STPG2: variants seen among roughly 807,000 people sequenced by gnomAD.
The protein encoded by STPG2 is sperm tail PG-rich repeat containing 2.
Under a neutral mutation model 54.2 loss-of-function variants are expected in STPG2, and 56 were observed. The observed-to-expected ratio is 1.03, with a 90% confidence interval of 0.83 to 1.29. The LOEUF (loss-of-function observed/expected upper bound fraction) is 1.29, where lower values mean the gene tolerates loss of function less well. Among genes scored for constraint, STPG2 ranks in the 50% most tolerant of loss-of-function variants. The pLI, the probability that STPG2 is intolerant of heterozygous loss-of-function variation, is 0.00. For missense variants in STPG2, 596 were observed against 544.9 expected (o/e 1.09, Z -0.93); for synonymous variants, 200 against 181.8 (o/e 1.10, Z -0.81).
At chr4:97,921,407 A>T in intron 8 of STPG2, among the ~76,000 whole-genome samples, 1 of 152,168 alleles carries the variant, frequency 6.6e-6, no homozygotes, top group East Asian at 1.9e-4. Flanking sequence ...AACTAAGCAA[A>T]TATCAGTAAA....
At chr4:97,493,506 A>G (rs1003455243) in intron 4 of STPG2, among the ~76,000 whole-genome samples, 3 of 151,476 alleles carry the variant, frequency 2.0e-5, no homozygotes, top group Non-Finnish European at 4.4e-5. Context: ...GAAAACTGCT[A>G]TTGCCTGCAA....
intron 9 of STPG2, among the ~76,000 whole-genome samples, chr4:97,730,516 C>T (rs530650936): frequency 1.1e-4 from 16 of 152,178 alleles, no homozygotes; most frequent in Non-Finnish European, 1.9e-4. Context: ...TGAGTAAATA[C>T]CCAGTAATGG....
chr4:97,837,828 T>C (rs1728677077), intron 9 of STPG2, among the ~76,000 whole-genome samples: 1 of 151,690 alleles, frequency 6.6e-6, no homozygotes. Flanking sequence ...AGTTATTGAA[T>C]GTCTTATAAG....
intron 8 of STPG2, among the ~76,000 whole-genome samples, chr4:97,905,247 C>A (rs1578674953): frequency 6.6e-6 from 1 of 152,160 alleles, no homozygotes; most frequent in Non-Finnish European, 1.5e-5. Flanking sequence ...ATCAGACTAA[C>A]AGCGGATGTC....
intron 4 of STPG2, among the ~76,000 whole-genome samples, chr4:97,452,135 C>CT (rs1729392562): frequency 1.2e-4 from 12 of 99,978 alleles, no homozygotes; most frequent in Non-Finnish European, 2.2e-4. Context: ...CCCCCCCCCC[C>CT]GCCCCCAGCA....
At chr4:97,924,491 A>G (rs1330821984) in intron 8 of STPG2, among the ~76,000 whole-genome samples, 1 of 152,208 alleles carries the variant, frequency 6.6e-6, no homozygotes, top group African/African-American at 2.4e-5. Context: ...GAATTGGTCA[A>G]AGTATAACTA....
At chr4:97,739,804 A>C (rs1194810643) in intron 9 of STPG2, among the ~76,000 whole-genome samples, 2 of 139,968 alleles carry the variant, frequency 1.4e-5, no homozygotes. Flanking sequence ...AATTGGTATC[A>C]TTCCTTCTGA....
chr4:98,138,056 TCTAAA>T (rs1740181307), intron 1 of STPG2, among the ~76,000 whole-genome samples: 1 of 152,054 alleles, frequency 6.6e-6, no homozygotes, highest in African/African-American at 2.4e-5. Context: ...CAAATGATAT[TCTAAA>T]CTAGTCATCC....
At chr4:97,609,538 C>T (rs1233704533) in intron 10 of STPG2, among the ~76,000 whole-genome samples, 4 of 151,894 alleles carry the variant, frequency 2.6e-5, no homozygotes, top group Admixed American at 2.6e-4. Context: ...CTGAGCATAT[C>T]AGTGAGAAAC....
At chr4:98,017,709 C>G (rs529157543) in intron 5 of STPG2, among the ~76,000 whole-genome samples, 118 of 152,308 alleles carry the variant, frequency 7.7e-4, no homozygotes, top group African/African-American at 2.6e-3. Flanking sequence ...GGCTCTGTCC[C>G]TACCCAAATC....
chr4:97,576,967 T>C (rs779546934), intron 10 of STPG2, among the ~76,000 whole-genome samples: 19 of 151,670 alleles, frequency 1.3e-4, no homozygotes, highest in Non-Finnish European at 2.4e-4. Context: ...CAAAAGAAGA[T>C]CTACCAATAA....
chr4:97,729,063 TTCTC>T (rs57186071), intron 9 of STPG2, among the ~76,000 whole-genome samples: 49,604 of 124,718 alleles, frequency 0.4, 9,220 homozygotes, highest in Middle Eastern at 0.48. Flanking sequence ...CCCCAAGAAT[TTCTC>T]TCTCTCTCTC....
At chr4:97,619,137 TC>T (rs543642778) in intron 10 of STPG2, among the ~76,000 whole-genome samples, 38 of 152,138 alleles carry the variant, frequency 2.5e-4, no homozygotes, top group Non-Finnish European at 7.4e-5. Flanking sequence ...GTGCTGAAGA[TC>T]ATCTGAAAAG....
chr4:97,847,451 T>C (rs955153629), intron 8 of STPG2, among the ~76,000 whole-genome samples: 6 of 152,154 alleles, frequency 3.9e-5, no homozygotes, highest in African/African-American at 1.4e-4. Flanking sequence ...ACTGACTTTA[T>C]TTCCATCTTC....
chr4:98,076,695 G>C (rs149516051), intron 5 of STPG2, among the ~76,000 whole-genome samples: 1 of 152,036 alleles, frequency 6.6e-6, no homozygotes. Flanking sequence ...TGTAAGAGTC[G>C]CAAATGCCAG....
At chr4:98,044,740 G>T (rs531799417) in intron 5 of STPG2, among the ~76,000 whole-genome samples, 3 of 152,142 alleles carry the variant, frequency 2.0e-5, no homozygotes, top group Admixed American at 6.6e-5. Context: ...GGAATTAACA[G>T]ATCAGAATGT....
intron 9 of STPG2, among the ~76,000 whole-genome samples, chr4:97,724,343 T>C (rs1048055264): frequency 1.3e-5 from 2 of 152,216 alleles, no homozygotes; most frequent in African/African-American, 2.4e-5. Context: ...ATATCTTGAC[T>C]ATATAAAGTC....
At chr4:97,586,200 A>T (rs1392823171) in intron 10 of STPG2, among the ~76,000 whole-genome samples, 1 of 151,980 alleles carries the variant, frequency 6.6e-6, no homozygotes, top group Non-Finnish European at 1.5e-5. Flanking sequence ...CCCTGGATGG[A>T]CACAATAATA....
chr4:98,103,158 G>T (rs1224643625), intron 5 of STPG2, among the ~76,000 whole-genome samples: 3 of 151,548 alleles, frequency 2.0e-5, no homozygotes, highest in Non-Finnish European at 4.4e-5. Flanking sequence ...TAATTAACAT[G>T]TTCATTATAA....
Sources: gnomAD v4.1 joint callset for allele counts (sites outside exome capture counted in the v4.1 genomes callset) on GRCh38, gnomAD v4.1.1 for gene constraint, MANE v1.5 for transcripts, NCBI Gene and HGNC (gene_info 2026-07-23, HGNC 2026-07-21) for gene names.